FBXO21: variants seen among roughly 807,000 people sequenced by gnomAD.
The protein encoded by FBXO21 is F-box only protein 21.
FBXO21 carries 32 observed loss-of-function variants against 76.6 expected under a neutral mutation model. The ratio of observed to expected loss-of-function variants is 0.42; its 90% confidence interval spans 0.32 to 0.56. The LOEUF (loss-of-function observed/expected upper bound fraction) is 0.56. FBXO21 is among the 20% of genes least tolerant of loss of function. The probability of loss-of-function intolerance (pLI) is 0.16; values close to 1 mark genes in which losing one functional copy is unlikely to be tolerated. For missense variants in FBXO21, 586 were observed against 797.3 expected (o/e 0.73, Z 3.19); for synonymous variants, 328 against 311.5 (o/e 1.05, Z -0.56).
intron 3 of FBXO21, among the ~76,000 whole-genome samples, chr12:117,181,027 C>A (rs977498832): frequency 1.3e-5 from 2 of 152,210 alleles, no homozygotes; most frequent in African/African-American, 4.8e-5. Context: ...ACAGACGTTA[C>A]ACATGAAATA....
chr12:117,189,065 G>C, intron 2 of FBXO21, 162 bp downstream of exon 2: 1 of 755,228 alleles, frequency 1.3e-6, no homozygotes, highest in African/African-American at 1.7e-5. Context: ...TTGTTGGATA[G>C]GAGGAAAAGG....
intron 11 of FBXO21, 74 bp from the exon 12 acceptor site, chr12:117,146,351 C>G: frequency 7.7e-7 from 1 of 1,303,352 alleles, no homozygotes; most frequent in Non-Finnish European, 1.1e-6. Flanking sequence ...CAGAGAACCT[C>G]CCATCACCCC....
chr12:117,169,760 G>A (rs1956097743), intron 7 of FBXO21, among the ~76,000 whole-genome samples: 1 of 152,070 alleles, frequency 6.6e-6, no homozygotes, highest in Non-Finnish European at 1.5e-5. Context: ...TCCCACCTCA[G>A]CCTTCCAAGC....
intron 3 of FBXO21, among the ~76,000 whole-genome samples, chr12:117,186,019 T>C (rs7969374): frequency 0.55 from 83,365 of 151,806 alleles, 23,338 homozygotes; most frequent in African/African-American, 0.65. Flanking sequence ...ATTACAGGTG[T>C]GTACCACCAC....
chr12:117,185,672 G>C (rs1302593570), intron 3 of FBXO21, among the ~76,000 whole-genome samples: 1 of 152,142 alleles, frequency 6.6e-6, no homozygotes, highest in Non-Finnish European at 1.5e-5. Flanking sequence ...TAAAAGAAAG[G>C]CTCACCCAAA....
chr12:117,185,825 A>C (rs1457156150), intron 3 of FBXO21, among the ~76,000 whole-genome samples: 1 of 152,224 alleles, frequency 6.6e-6, no homozygotes, highest in Admixed American at 6.5e-5. Flanking sequence ...CAAATCTGAT[A>C]GTAAGTGGAG....
intron 4 of FBXO21, among the ~76,000 whole-genome samples, chr12:117,175,627 T>G (rs1956165398): frequency 6.6e-6 from 1 of 152,234 alleles, no homozygotes; most frequent in Non-Finnish European, 1.5e-5. Context: ...AGCCAGGGAC[T>G]GTCTCCTCGG....
rs754379853 is a variant in FBXO21 at position 117,189,338 on chromosome 12, G to A, written c.264C>T (p.Tyr88=). Residue 88 remains tyrosine, a synonymous_variant, in exon 2 of 12, where the codon TAC becomes TAT. Coordinates refer to ENST00000622495, the MANE Select transcript of FBXO21 (RefSeq NM_015002.3). ...RVRWPSLMKH[Y]SPTDYVNWLE... is the part of the protein sequence containing the mutation. The stretch of plus-strand genomic sequence containing the variant: ...ACCAATTGACGTAGTCGGTGGGGCT[G>A]TAGTGTTTCATAAGGGAAGGCCACC... The A allele has an allele frequency of 1.2e-6, 2 of 1,613,996 alleles. No homozygotes were observed. The highest frequency in any genetic ancestry group is 1.3e-5 in the African/African-American group (1 of 74,878).
intron 7 of FBXO21, among the ~76,000 whole-genome samples, chr12:117,170,948 C>G (rs931949735): frequency 6.6e-6 from 1 of 152,006 alleles, no homozygotes; most frequent in Admixed American, 6.6e-5. Context: ...GAAATTGGGT[C>G]CCCACTATCC....
At chr12:117,178,763 A>G (rs1956200763) in intron 3 of FBXO21, among the ~76,000 whole-genome samples, 1 of 152,046 alleles carries the variant, frequency 6.6e-6, no homozygotes, top group Non-Finnish European at 1.5e-5. Context: ...AAGGCCCCCT[A>G]CATTATTTTA....
At chr12:117,180,629 CTTTT>C (rs879593190) in intron 3 of FBXO21, among the ~76,000 whole-genome samples, 1 of 150,024 alleles carries the variant, frequency 6.7e-6, no homozygotes, top group South Asian at 2.1e-4. Flanking sequence ...GTTTTCATCA[CTTTT>C]TTTTTTCTTT....
intron 8 of FBXO21, among the ~76,000 whole-genome samples, chr12:117,166,190 CAA>C (rs34746643): frequency 0.12 from 12,703 of 107,768 alleles, 534 homozygotes; most frequent in East Asian, 0.21. Flanking sequence ...AACTATGTCT[CAA>C]AAAAAAAAAA....
At chr12:117,189,066 G>T in intron 2 of FBXO21, 161 bp downstream of exon 2, 1 of 762,284 alleles carries the variant, frequency 1.3e-6, no homozygotes, top group Non-Finnish European at 2.1e-6. Context: ...TGTTGGATAG[G>T]AGGAAAAGGA....
chr12:117,187,607 C>T (rs1185457792), intron 2 of FBXO21, among the ~76,000 whole-genome samples: 1 of 152,130 alleles, frequency 6.6e-6, no homozygotes, highest in Non-Finnish European at 1.5e-5. Context: ...TATGCTCCCG[C>T]TGTGTTCAAA....
chr12:117,182,838 C>T (rs1401591970), intron 3 of FBXO21, among the ~76,000 whole-genome samples: 2 of 152,148 alleles, frequency 1.3e-5, no homozygotes, highest in Admixed American at 6.5e-5. Context: ...GCTGTGATTA[C>T]AGGCGTGAGC....
chr12:117,158,680 G>A (rs922938287), intron 9 of FBXO21, among the ~76,000 whole-genome samples: 1 of 152,198 alleles, frequency 6.6e-6, no homozygotes, highest in African/African-American at 2.4e-5. Context: ...GTATATCAGA[G>A]TTCTAAAATC....
chr12:117,157,739 G>T (rs191225100), intron 10 of FBXO21, 134 bp downstream of exon 10: 3 of 629,310 alleles, frequency 4.8e-6, no homozygotes, highest in Non-Finnish European at 7.5e-6. Flanking sequence ...TGTCTTCCCC[G>T]CGGTGCGCAC....
At chr12:117,156,160 T>C (rs1955913367) in intron 10 of FBXO21, among the ~76,000 whole-genome samples, 1 of 152,182 alleles carries the variant, frequency 6.6e-6, no homozygotes. Context: ...CAAAAAGTGA[T>C]TAGATGACAA....
chr12:117,165,655 G>GT (rs1435787509), intron 8 of FBXO21, 38 bp from the exon 9 acceptor site: 9 of 1,525,584 alleles, frequency 5.9e-6, no homozygotes, highest in Non-Finnish European at 8.0e-6. Context: ...CATCCTGCTT[G>GT]TTTTTTCAGC....
Sources: allele counts gnomAD v4.1 joint callset (sites outside exome capture counted in the v4.1 genomes callset), GRCh38; gene constraint gnomAD v4.1.1; transcripts MANE v1.5; gene names NCBI Gene and HGNC (gene_info 2026-07-23, HGNC 2026-07-21).